The following RSRC1 variants were observed in gnomAD, a reference collection of about 807,000 sequenced individuals.
RSRC1 encodes arginine and serine rich coiled-coil 1.
Under a neutral mutation model 49.1 loss-of-function variants are expected in RSRC1, and 39 were observed. The ratio of observed to expected loss-of-function variants is 0.79; its 90% confidence interval spans 0.61 to 1.04. RSRC1 has a LOEUF of 1.04. Ranked by LOEUF, RSRC1 falls within the 50% of genes least tolerant of loss-of-function variation. The probability of loss-of-function intolerance (pLI) is 0.00; values close to 1 mark genes in which losing one functional copy is unlikely to be tolerated. For synonymous variants in RSRC1, 143 were observed against 130.8 expected, an observed-to-expected ratio of 1.09 and a Z score of -0.63; for missense variants, 388 against 402.4, an observed-to-expected ratio of 0.96 and a Z score of 0.31.
At chr3:158,197,232 G>T (rs953177901) in intron 3 of RSRC1, among the ~76,000 whole-genome samples, 14 of 152,134 alleles carry the variant, frequency 9.2e-5, no homozygotes, top group Non-Finnish European at 1.5e-4. Context: ...AGTCTTGGGA[G>T]GGTGTATGTG....
intron 7 of RSRC1, among the ~76,000 whole-genome samples, chr3:158,493,391 G>A (rs1739171985): frequency 6.6e-6 from 1 of 152,064 alleles, no homozygotes; most frequent in South Asian, 2.1e-4. Context: ...GGGGAGACTG[G>A]GTAGAGAATA....
intron 4 of RSRC1, among the ~76,000 whole-genome samples, chr3:158,232,771 A>C (rs764883337): frequency 3.9e-5 from 6 of 152,150 alleles, no homozygotes; most frequent in Non-Finnish European, 7.4e-5. Flanking sequence ...AATGCTTGGC[A>C]AAATGATCTA....
At chr3:158,400,567 G>A (rs1422717659) in intron 6 of RSRC1, among the ~76,000 whole-genome samples, 1 of 152,068 alleles carries the variant, frequency 6.6e-6, no homozygotes, top group Admixed American at 6.6e-5. Context: ...GTGGAAGCTA[G>A]TGATATTGAT....
Position 158,171,838 on chromosome 3 carries a change from C to T in RSRC1, c.321-31234C>T, listed in dbSNP as rs138119185. On this transcript the variant is annotated intron_variant, in intron 3 of 9. Transcript: ENST00000611884. ...TCATTGTGCATGCCTGTAGTCCTAG[C>T]TACCCAAGAGGCTGAGGTGGGAGGA... is the stretch of plus-strand genomic sequence containing the variant. Among the ~76,000 whole-genome samples the T allele has an allele frequency of 4.3e-3, 652 of 152,092 alleles. 5 individuals carry two copies. The highest frequency in any genetic ancestry group is 0.015 in the African/African-American group (613 of 41,494).
At chr3:158,465,182 C>CT (rs1272595261) in intron 7 of RSRC1, among the ~76,000 whole-genome samples, 3 of 152,124 alleles carry the variant, frequency 2.0e-5, no homozygotes, top group Non-Finnish European at 2.9e-5. Flanking sequence ...TGCATAATCT[C>CT]TATCTGCTTT....
chr3:158,243,130 A>G (rs1234428930), intron 4 of RSRC1, among the ~76,000 whole-genome samples: 3 of 152,124 alleles, frequency 2.0e-5, no homozygotes, highest in Admixed American at 6.6e-5. Flanking sequence ...GCCCATGCCT[A>G]TGTCCTGAAT....
chr3:158,413,138 C>T (rs1734549976), intron 6 of RSRC1, among the ~76,000 whole-genome samples: 1 of 152,114 alleles, frequency 6.6e-6, no homozygotes, highest in African/African-American at 2.4e-5. Flanking sequence ...GGTACAAATA[C>T]AGACACATAG....
intron 7 of RSRC1, among the ~76,000 whole-genome samples, chr3:158,474,149 CAAATCTGGCT>C (rs1478316846): frequency 6.6e-6 from 1 of 152,012 alleles, no homozygotes; most frequent in Non-Finnish European, 1.5e-5. Flanking sequence ...ATAATGAAGC[CAAATCTGGCT>C]TCATGATGAT....
chr3:158,428,213 G>A (rs1735571222), intron 6 of RSRC1, among the ~76,000 whole-genome samples: 1 of 151,898 alleles, frequency 6.6e-6, no homozygotes, highest in East Asian at 2.0e-4. Context: ...CAGCCAGATT[G>A]TTTTAGCCAT....
chr3:158,378,665 C>T (rs1362168901), intron 6 of RSRC1, among the ~76,000 whole-genome samples: 1 of 152,202 alleles, frequency 6.6e-6, no homozygotes, highest in Non-Finnish European at 1.5e-5. Flanking sequence ...GCAGAATTTA[C>T]AAATAATCAG....
chr3:158,275,670 A>T (rs1725767189), intron 4 of RSRC1: 4 of 396,718 alleles, frequency 1.0e-5, no homozygotes, highest in South Asian at 4.8e-5. Context: ...GTCTTCAAAC[A>T]TTATTGCACT....
intron 4 of RSRC1, among the ~76,000 whole-genome samples, chr3:158,210,405 C>T (rs184185720): frequency 2.0e-5 from 3 of 147,054 alleles, no homozygotes; most frequent in Admixed American, 6.9e-5. Flanking sequence ...TCACCAGTGG[C>T]GAAGGGTAAA....
At chr3:158,180,861 A>G (rs1231045420) in intron 3 of RSRC1, among the ~76,000 whole-genome samples, 13 of 147,126 alleles carry the variant, frequency 8.8e-5, no homozygotes, top group Admixed American at 6.2e-4. Flanking sequence ...CTGGAGTGCA[A>G]TGGCGCAATC....
At chr3:158,323,523 T>C (rs1289941700) in intron 5 of RSRC1, among the ~76,000 whole-genome samples, 1 of 152,322 alleles carries the variant, frequency 6.6e-6, no homozygotes, top group Non-Finnish European at 1.5e-5. Context: ...TTTAATCTGC[T>C]ATGGCTCTCT....
intron 5 of RSRC1, among the ~76,000 whole-genome samples, chr3:158,325,921 G>T (rs2108180363): frequency 6.6e-6 from 1 of 152,074 alleles, no homozygotes; most frequent in East Asian, 1.9e-4. Context: ...GTGGATTGTA[G>T]TTCTCCTTGA....
chr3:158,117,478 C>A (rs1559906022), intron 1 of RSRC1, among the ~76,000 whole-genome samples: 1 of 148,830 alleles, frequency 6.7e-6, no homozygotes, highest in Non-Finnish European at 1.5e-5. Flanking sequence ...TTTGTAGAGA[C>A]AGGGGTTTCA....
chr3:158,282,627 G>C (rs962935151), intron 4 of RSRC1, among the ~76,000 whole-genome samples: 2 of 152,114 alleles, frequency 1.3e-5, no homozygotes, highest in African/African-American at 2.4e-5. Flanking sequence ...TTAAATGTCA[G>C]GAAGGACTGT....
chr3:158,477,798 T>TTTTATATATATATATA lies in RSRC1; in HGVS notation c.652+16796_652+16797insTTATATATATATATAT, dbSNP rs1485762587. ...TGATGGGATAGGTTGCGGGAGGGATTTATATATATATATATATATATATAT... is the reference window on the plus strand; with the variant it reads ...TGATGGGATAGGTTGCGGGAGGGATTTTTATATATATATATATATATATATATATATATATATATAT... On this transcript the variant is annotated intron_variant, in intron 7 of 9. Transcript: ENST00000611884. Among the ~76,000 whole-genome samples, 809 of 89,708 alleles carry TTTTATATATATATATA rather than the reference T, an allele frequency of 9.0e-3. 82 individuals carry two copies. The highest frequency in any genetic ancestry group is 0.017 in the Middle Eastern group (3 of 172). The allele number at this position is 89,708 out of a possible 152,430, so 58.9% of individuals were successfully genotyped here.
At chr3:158,111,118 A>G (rs957387030) in intron 1 of RSRC1, among the ~76,000 whole-genome samples, 7 of 152,224 alleles carry the variant, frequency 4.6e-5, no homozygotes, top group Admixed American at 3.9e-4. Context: ...ACTTAGATGT[A>G]TTATAAAAGT....
Sources: allele counts gnomAD v4.1 joint callset (sites outside exome capture counted in the v4.1 genomes callset), GRCh38; gene constraint gnomAD v4.1.1; transcripts MANE v1.5; gene names NCBI Gene and HGNC (gene_info 2026-07-23, HGNC 2026-07-21).